The following MGLL variants were observed in gnomAD, a reference collection of about 807,000 sequenced individuals.
MGLL encodes monoglyceride lipase, also known as lysophospholipase homolog.
In MGLL, 7 loss-of-function variants were observed where a neutral mutation model predicts 29.1. The ratio of observed to expected loss-of-function variants is 0.24; its 90% CI spans 0.14 to 0.45. The LOEUF (loss-of-function observed/expected upper bound fraction) is 0.45, where lower values mean the gene tolerates loss of function less well. Among genes scored for constraint, MGLL ranks in the 20% least tolerant of loss-of-function variants. The probability of loss-of-function intolerance (pLI) is 0.99; values close to 1 mark genes in which losing one functional copy is unlikely to be tolerated. For synonymous variants in MGLL, 148 were observed against 168.3 expected (o/e 0.88, Z 0.93); for missense variants, 356 against 413.6 (o/e 0.86, Z 1.21).
intron 5 of MGLL, chr3:127,714,201 C>T (rs1446461912): frequency 3.9e-5 from 6 of 152,130 alleles, no homozygotes; most frequent in Admixed American, 1.3e-4. Context: ...GGCAGCTGAA[C>T]GCCTCACCAT....
intron 5 of MGLL, chr3:127,713,184 G>A (rs1347140641): frequency 6.6e-6 from 1 of 152,302 alleles, no homozygotes; most frequent in Non-Finnish European, 1.5e-5. Context: ...CCCTGATGCT[G>A]GCAGTGTGTG....
chr3:127,744,035 A>G (rs2076395522), intron 3 of MGLL, among the ~76,000 whole-genome samples: 1 of 152,142 alleles, frequency 6.6e-6, no homozygotes, highest in Non-Finnish European at 1.5e-5. Flanking sequence ...GCAGAAATTA[A>G]TTTCTTTACT....
chr3:127,740,759 G>A lies in MGLL; in HGVS notation c.263-18193C>T, dbSNP rs189644669. On this transcript the variant is annotated intron_variant, in intron 3 of 7. Transcript: ENST00000265052. ...AAAGCTCCCCACACTGAGGGTGGAG[G>A]TGAGGCTTGCAGGGGCCAAAATGTG... is the stretch of plus-strand genomic sequence containing the variant. Among the ~76,000 whole-genome samples, 284 of 152,376 alleles carry A rather than the reference G, an allele frequency of 1.9e-3. 1 individual carries two copies. The highest frequency in any genetic ancestry group is 6.5e-3 in the African/African-American group (272 of 41,584).
At chr3:127,725,104 C>T (rs1413314047) in intron 3 of MGLL, among the ~76,000 whole-genome samples, 2 of 152,158 alleles carry the variant, frequency 1.3e-5, no homozygotes, top group South Asian at 2.1e-4. Context: ...CTGGAGGCTC[C>T]GTGCGACCCT....
Position 127,710,571 on chromosome 3 carries a change from C to G in MGLL, c.600+5G>C. 6.4e-7 allele frequency: 1 copy of G among 1,553,400 alleles called. No homozygotes were observed. The highest frequency in any genetic ancestry group is 8.7e-7 in the Non-Finnish European group (1 of 1,146,752). On this transcript the variant is annotated splice_donor_5th_base_variant and intron_variant, in intron 6 of 7. Transcript: ENST00000265052. ...CTACCCCTGGGGTTTCGGAAAGCCTCTCACCTCTGTCTTATTCCGAGAGAG... is the reference window on the plus strand; with the variant it reads ...CTACCCCTGGGGTTTCGGAAAGCCTGTCACCTCTGTCTTATTCCGAGAGAG...
intron 6 of MGLL, among the ~76,000 whole-genome samples, chr3:127,709,429 G>A (rs2075666593): frequency 6.6e-6 from 1 of 152,200 alleles, no homozygotes; most frequent in Admixed American, 6.5e-5. Context: ...AGGCCTAGGA[G>A]TTTTCAACCC....
intron 3 of MGLL, among the ~76,000 whole-genome samples, chr3:127,753,263 C>T (rs141322637): frequency 1.3e-5 from 2 of 152,200 alleles, no homozygotes; most frequent in African/African-American, 2.4e-5. Flanking sequence ...GTGTTCTGGA[C>T]AGGTGAGGGG....
intron 3 of MGLL, among the ~76,000 whole-genome samples, chr3:127,766,711 T>G (rs563635560): frequency 2.0e-5 from 3 of 152,238 alleles, no homozygotes; most frequent in Non-Finnish European, 4.4e-5. Context: ...TAAATTTTTA[T>G]GACAAAAGAT....
chr3:127,758,242 C>A (rs1183571042), intron 3 of MGLL, among the ~76,000 whole-genome samples: 2 of 152,196 alleles, frequency 1.3e-5, no homozygotes, highest in African/African-American at 2.4e-5. Context: ...CCCCTGCCCC[C>A]ACTGCCCCGC....
chr3:127,735,610 G>A, intron 3 of MGLL: 1 of 1,292,348 alleles, frequency 7.7e-7, no homozygotes, highest in Non-Finnish European at 1.1e-6. Context: ...AAAAGCAAGA[G>A]AATGAAACAC....
chr3:127,766,540 G>A (rs912683932), intron 3 of MGLL, among the ~76,000 whole-genome samples: 1 of 151,994 alleles, frequency 6.6e-6, no homozygotes, highest in Middle Eastern at 3.2e-3. Context: ...TCCCAACTGC[G>A]CCTTTCTGGC....
At chr3:127,722,592 G>C (rs2075951006) in intron 3 of MGLL, 26 bp from the exon 4 acceptor site, 2 of 1,614,114 alleles carry the variant, frequency 1.2e-6, no homozygotes, top group Non-Finnish European at 1.7e-6. Flanking sequence ...AGATGAGAGA[G>C]AGCTGCAGTT....
chr3:127,705,776 C>CAAAAAAAAAA (rs36125403), intron 6 of MGLL, among the ~76,000 whole-genome samples: 1 of 112,442 alleles, frequency 8.9e-6, no homozygotes. Context: ...AACTCCATCT[C>CAAAAAAAAAA]AAAAAAAAAA....
intron 3 of MGLL, among the ~76,000 whole-genome samples, chr3:127,727,626 C>A (rs112153207): frequency 2.1e-5 from 3 of 142,440 alleles, no homozygotes; most frequent in African/African-American, 7.7e-5. Flanking sequence ...GTGAGAGAAT[C>A]GTTTGAGCCC....
At chr3:127,812,658 A>C (rs1216995432) in intron 2 of MGLL, among the ~76,000 whole-genome samples, 1 of 152,236 alleles carries the variant, frequency 6.6e-6, no homozygotes, top group Non-Finnish European at 1.5e-5. Flanking sequence ...ACAGGTCCGC[A>C]GAGTCCCCAG....
intron 3 of MGLL, among the ~76,000 whole-genome samples, chr3:127,740,510 C>G (rs2076320592): frequency 2.0e-5 from 3 of 152,218 alleles, no homozygotes; most frequent in Admixed American, 2.0e-4. Context: ...TCGCCGTTTG[C>G]TGGCCTCACC....
In MGLL at chr3:127,768,191, C is replaced by T. The variant is rs75308218; in HGVS notation, c.262+13598G>A. 4.9e-3 allele frequency among the ~76,000 whole-genome samples: 739 copies of T among 152,292 alleles called. 6 individuals are homozygous for T. The highest frequency in any genetic ancestry group is 0.017 in the Middle Eastern group (5 of 294). ...TCCTTCCCGTAAAGAACACTCCAGG[C>T]CTTGATAGCCTCACTGATCTACCAA... On this transcript the variant is annotated intron_variant, in intron 3 of 7. Coordinates refer to ENST00000265052, the MANE Select transcript of MGLL (RefSeq NM_007283.7).
At chr3:127,790,527 G>A (rs1166437609) in intron 2 of MGLL, among the ~76,000 whole-genome samples, 2 of 152,204 alleles carry the variant, frequency 1.3e-5, no homozygotes, top group Non-Finnish European at 2.9e-5. Flanking sequence ...AGCAGGAGAT[G>A]AGATGGAGGG....
chr3:127,803,990 T>G (rs1576310574), intron 2 of MGLL, among the ~76,000 whole-genome samples: 1 of 152,142 alleles, frequency 6.6e-6, no homozygotes, highest in Non-Finnish European at 1.5e-5. Flanking sequence ...GGTCACCTAT[T>G]TACAGCCCCT....
Sources: gnomAD v4.1 joint callset for allele counts (sites outside exome capture counted in the v4.1 genomes callset) on GRCh38, gnomAD v4.1.1 for gene constraint, MANE v1.5 for transcripts, NCBI Gene and HGNC (gene_info 2026-07-23, HGNC 2026-07-21) for gene names.